Variants in TNPO1 observed in about 807,000 individuals in gnomAD.
TNPO1 encodes transportin 1, also known as transportin-1.
A neutral mutation model predicts 119.5 loss-of-function variants in TNPO1; 8 were observed. The ratio of observed to expected loss-of-function variants is 0.07; its 90% CI spans 0.04 to 0.12. TNPO1 has a LOEUF of 0.12. TNPO1 is among the 10% of genes least tolerant of loss of function. The pLI, the probability that TNPO1 is intolerant of heterozygous loss-of-function variation, is 1.00. For missense variants in TNPO1, 576 were observed against 1,089.8 expected (o/e 0.53, Z 6.64); for synonymous variants, 362 against 363.0 (o/e 1.00, Z 0.03).
chr5:72,854,547 A>G (rs1745834416), intron 3 of TNPO1, among the ~76,000 whole-genome samples: 2 of 152,336 alleles, frequency 1.3e-5, no homozygotes, highest in South Asian at 4.1e-4. Flanking sequence ...TGGGGGTAAT[A>G]CTGAAGAATG....
intron 1 of TNPO1, among the ~76,000 whole-genome samples, chr5:72,825,545 G>A (rs57015490): frequency 0.18 from 27,756 of 152,014 alleles, 2,880 homozygotes; most frequent in African/African-American, 0.27. Context: ...AAATTAGCCG[G>A]GCGTGGTGGC....
chr5:72,906,687 C>G (rs1228197520), intron 24 of TNPO1, among the ~76,000 whole-genome samples: 1 of 152,156 alleles, frequency 6.6e-6, no homozygotes, highest in African/African-American at 2.4e-5. Flanking sequence ...CTCTTCTGTA[C>G]TTAAATGGGA....
chr5:72,908,449 G>C (rs1750327066), intron 24 of TNPO1, among the ~76,000 whole-genome samples: 1 of 152,120 alleles, frequency 6.6e-6, no homozygotes, highest in Admixed American at 6.6e-5. Context: ...ACTATACAAA[G>C]TGTTGTACAC....
chr5:72,870,393 C>A (rs1305384162), intron 6 of TNPO1, among the ~76,000 whole-genome samples: 1 of 152,112 alleles, frequency 6.6e-6, no homozygotes, highest in Non-Finnish European at 1.5e-5. Flanking sequence ...AACTCCTGAC[C>A]TCAGGTGATC....
Position 72,856,378 on chromosome 5 carries a change from C to T in TNPO1, c.355+455C>T, listed in dbSNP as rs183201032. On this transcript the variant is annotated intron_variant, in intron 4 of 24. Transcript: ENST00000337273. ...TCCCGAGTAGCTGTGATTACAGGCA[C>T]CCGCCACCATGCCTGGCTAATTTTT... Among the ~76,000 whole-genome samples the T allele has an allele frequency of 6.8e-3, 1,028 of 152,004 alleles. 8 individuals carry two copies. The highest frequency in any genetic ancestry group is 0.011 in the Non-Finnish European group (769 of 67,952).
chr5:72,853,509 A>G (rs1294211878), intron 3 of TNPO1, among the ~76,000 whole-genome samples: 2 of 152,258 alleles, frequency 1.3e-5, no homozygotes, highest in Non-Finnish European at 2.9e-5. Flanking sequence ...CCACAAAGAC[A>G]TTAATTACAA....
At position 72,848,528 on chromosome 5, in the gene TNPO1, G is replaced by T. The variant is rs371727750; in HGVS notation, c.129+30G>T. On this transcript the variant is annotated intron_variant, in intron 2 of 24. Transcript: ENST00000337273. Reference sequence around the variant, plus strand: ...CCTTTCCGAGGCCTGGCCGCCACCCGCGCAGCTCGCCCCGCGCTGCGGCCC... The same window carrying T: ...CCTTTCCGAGGCCTGGCCGCCACCCTCGCAGCTCGCCCCGCGCTGCGGCCC... The T allele has an allele frequency of 6.9e-6, 10 of 1,447,470 alleles. No individual in the cohort carries two copies. The African/African-American group carries it at 8.8e-5, about 13-fold the overall frequency. The allele number at this position is 1,447,470 out of a possible 1,614,324, so 89.7% of individuals were successfully genotyped here.
rs975770497 is a variant in TNPO1, at chr5:72,912,633, A to G, written c.*3960A>G. ...AGCCCTCCTGACAAGCCTTTTGCCT[A>G]CAGGTTTACCTGAAAATGAGCTACA... is the stretch of plus-strand genomic sequence containing the variant. On this transcript the variant is annotated 3_prime_UTR_variant, in exon 25 of 25. Coordinates refer to ENST00000337273, the MANE Select transcript of TNPO1 (RefSeq NM_002270.4). 1 of 152,468 alleles carries G rather than the reference A, an allele frequency of 6.6e-6. No individual in the cohort carries two copies. Among genetic ancestry groups the G allele is most frequent in the Non-Finnish European group, 1.5e-5 (1 of 67,916 alleles). 9.4% of individuals were successfully genotyped at this position (152,468 alleles called of 1,614,324 possible).
chr5:72,830,812 A>G (rs1351241083), intron 1 of TNPO1, among the ~76,000 whole-genome samples: 2 of 152,190 alleles, frequency 1.3e-5, no homozygotes, highest in African/African-American at 4.8e-5. Context: ...AGTTTATAAT[A>G]AATGAATTTA....
chr5:72,895,702 A>G (rs1226497385), intron 18 of TNPO1, among the ~76,000 whole-genome samples: 1 of 152,208 alleles, frequency 6.6e-6, no homozygotes, highest in African/African-American at 2.4e-5. Flanking sequence ...ATAGGGAGAC[A>G]TTTCCCATAT....
intron 6 of TNPO1, among the ~76,000 whole-genome samples, 155 bp from the exon 7 acceptor site, chr5:72,872,484 C>A (rs775491607): frequency 2.0e-5 from 3 of 152,128 alleles, no homozygotes; most frequent in Non-Finnish European, 4.4e-5. Context: ...CATTCAAATT[C>A]TTTCCTTGTT....
At chr5:72,878,986 G>T in intron 9 of TNPO1, 4 of 462,022 alleles carry the variant, frequency 8.7e-6, no homozygotes, top group Non-Finnish European at 1.3e-5. Context: ...GATTACTCTG[G>T]CTTTGTTTAG....
chr5:72,834,114 G>A (rs1744590980), intron 1 of TNPO1, among the ~76,000 whole-genome samples: 2 of 152,068 alleles, frequency 1.3e-5, no homozygotes, highest in Non-Finnish European at 2.9e-5. Context: ...GTAATGCAAT[G>A]CATTACTCAC....
intron 22 of TNPO1, among the ~76,000 whole-genome samples, chr5:72,901,761 T>C (rs1749812222): frequency 6.6e-6 from 1 of 152,092 alleles, no homozygotes; most frequent in South Asian, 2.1e-4. Flanking sequence ...AGCAGACACG[T>C]TTAAGGAAAA....
chr5:72,886,689 G>A (rs1302148967), intron 11 of TNPO1, among the ~76,000 whole-genome samples: 1 of 151,946 alleles, frequency 6.6e-6, no homozygotes, highest in Non-Finnish European at 1.5e-5. Flanking sequence ...ACGAGGTCAG[G>A]AGTTTGAGAC....
chr5:72,854,925 T>C (rs540390896), intron 3 of TNPO1, among the ~76,000 whole-genome samples: 5 of 152,342 alleles, frequency 3.3e-5, no homozygotes, highest in Admixed American at 2.0e-4. Context: ...GAAGGTCTTA[T>C]ATATTCTTTG....
intron 3 of TNPO1, among the ~76,000 whole-genome samples, chr5:72,853,359 T>G (rs940663010): frequency 6.6e-6 from 1 of 152,212 alleles, no homozygotes; most frequent in Admixed American, 6.5e-5. Context: ...GAGGATCACC[T>G]GAGCTCAGGA....
At chr5:72,887,841 T>C (rs1386252175) in intron 12 of TNPO1, among the ~76,000 whole-genome samples, 4 of 152,230 alleles carry the variant, frequency 2.6e-5, no homozygotes, top group African/African-American at 7.2e-5. Context: ...AGGGTTATTA[T>C]TGATTTTGTC....
chr5:72,889,894 G>T lies in TNPO1; in HGVS notation c.1638G>T (p.Leu546=). The T allele has an allele frequency of 6.2e-7, 1 of 1,613,458 alleles. No homozygotes were observed. The highest frequency in any genetic ancestry group is 8.5e-7 in the Non-Finnish European group (1 of 1,179,852). The change falls in exon 14 of 25, where the codon CTG becomes CTT. Residue 546 remains leucine, a synonymous_variant. Transcript: ENST00000337273. ...TTAGTAAATACCAGCATAAGAACCT[G>T]CTCATTCTTTACGATGCCATAGGAA... is the stretch of plus-strand genomic sequence containing the variant. The part of the protein sequence containing the change: ...FAFSKYQHKN[L]LILYDAIGTL...
Sources: gnomAD v4.1 joint callset for allele counts (sites outside exome capture counted in the v4.1 genomes callset) on GRCh38, gnomAD v4.1.1 for gene constraint, MANE v1.5 for transcripts, NCBI Gene and HGNC (gene_info 2026-07-23, HGNC 2026-07-21) for gene names.